Variants in KIAA1549L observed in about 807,000 individuals in gnomAD.
KIAA1549L encodes the protein KIAA1549 like, also known as UPF0606 protein KIAA1549L.
A neutral mutation model predicts 160.7 loss-of-function variants in KIAA1549L; 88 were observed. The observed-to-expected ratio is 0.55, with a 90% CI of 0.46 to 0.65. The LOEUF is 0.65. Ranked by LOEUF, KIAA1549L falls within the 30% of genes least tolerant of loss-of-function variation. The pLI, the probability that KIAA1549L is intolerant of heterozygous loss-of-function variation, is 0.00. For missense variants in KIAA1549L, 2,258 were observed against 2,437.5 expected, an observed-to-expected ratio of 0.93 and a Z score of 1.55; for synonymous variants, 950 against 976.7, an observed-to-expected ratio of 0.97 and a Z score of 0.51.
At chr11:33,398,068 C>T (rs1850423538) in intron 1 of KIAA1549L, among the ~76,000 whole-genome samples, 1 of 150,782 alleles carries the variant, frequency 6.6e-6, no homozygotes. Flanking sequence ...ATTACAGGTG[C>T]CTGCCACCAT....
At position 33,544,934 on chromosome 11, in the gene KIAA1549L, C is replaced by G; in HGVS notation, c.2941C>G (p.Leu981Val). Residue 981 changes from leucine (L) to valine (V), a missense_variant, in exon 3 of 21, where the codon CTT becomes GTT. By Grantham distance (32) the Leu-to-Val change is conservative. This residue lies in a region of KIAA1549L where 1,359 missense variants were observed against 1,546.6 expected (regional missense o/e 0.88). Transcript: ENST00000658780. Reference sequence around the variant, plus strand: ...AGCTAAGAGCAGTTCGATGACTACTCTTGCTAAAAATGTCACAAACAAGGC... The same window carrying G: ...AGCTAAGAGCAGTTCGATGACTACTGTTGCTAAAAATGTCACAAACAAGGC... ...GPAKSSSMTT[L>V]AKNVTNKAAS... 6.2e-7 allele frequency: 1 copy of G among 1,613,606 alleles called. No homozygotes were observed. Among genetic ancestry groups the G allele is most frequent in the Non-Finnish European group, 8.5e-7 (1 of 1,179,710 alleles).
chr11:33,560,591 A>G (rs1193313470), intron 7 of KIAA1549L, among the ~76,000 whole-genome samples: 1 of 152,194 alleles, frequency 6.6e-6, no homozygotes. Flanking sequence ...TGCAACAGGC[A>G]TAGATTTTGA....
intron 1 of KIAA1549L, among the ~76,000 whole-genome samples, chr11:33,495,277 TC>T (rs962080962): frequency 2.3e-5 from 3 of 127,952 alleles, no homozygotes; most frequent in African/African-American, 8.7e-5. Flanking sequence ...CCCTCCCCCA[TC>T]CCCCCACCCC....
chr11:33,633,193 T>G (rs1851349787), intron 16 of KIAA1549L, among the ~76,000 whole-genome samples: 1 of 141,672 alleles, frequency 7.1e-6, no homozygotes, highest in African/African-American at 2.7e-5. Flanking sequence ...GAGACAGGGT[T>G]TCACCATGTT....
At chr11:33,580,065 A>C (rs1257604620) in intron 10 of KIAA1549L, among the ~76,000 whole-genome samples, 5 of 152,300 alleles carry the variant, frequency 3.3e-5, no homozygotes, top group Admixed American at 2.6e-4. Context: ...TGGAGCATGC[A>C]GTGCCCACGT....
chr11:33,393,507 A>G (rs1275793728), intron 1 of KIAA1549L, among the ~76,000 whole-genome samples: 1 of 152,184 alleles, frequency 6.6e-6, no homozygotes, highest in Non-Finnish European at 1.5e-5. Context: ...GTTAAAAACT[A>G]TTTTGGTTAT....
chr11:33,475,416 G>A (rs111656278), intron 1 of KIAA1549L, among the ~76,000 whole-genome samples: 5,518 of 152,208 alleles, frequency 0.036, 172 homozygotes, highest in Admixed American at 0.086. Context: ...TTTTGGCCAG[G>A]CATAGTGGCT....
At chr11:33,532,194 C>T (rs754395102) in intron 1 of KIAA1549L, among the ~76,000 whole-genome samples, 3 of 152,170 alleles carry the variant, frequency 2.0e-5, no homozygotes, top group African/African-American at 7.2e-5. Flanking sequence ...TCTTGATTCT[C>T]TATCTCACAG....
Position 33,547,864 on chromosome 11 carries a change from C to A in KIAA1549L, c.3486C>A (p.Asn1162Lys), listed in dbSNP as rs1208557307. ...CATTGCGGAAGGCTTTCCACCAGAA[C>A]GATGTCTCAGCTCACGTAAGTGCTT... ...TQALRKAFHQNDVSAHVDILE... is the reference protein window; with the variant it reads ...TQALRKAFHQKDVSAHVDILE... Residue 1162 changes from asparagine to lysine, a missense_variant, in exon 4 of 21, where the codon AAC becomes AAA. Asn to Lys is a moderately conservative substitution (Grantham distance 94). This residue lies in a region of KIAA1549L where 1,359 missense variants were observed against 1,546.6 expected (regional missense o/e 0.88). Transcript: ENST00000658780. The A allele has an allele frequency of 1.2e-6, 2 of 1,611,304 alleles. No individual in the cohort carries two copies. The highest frequency in any genetic ancestry group is 1.7e-6 in the Non-Finnish European group (2 of 1,177,910).
intron 1 of KIAA1549L, among the ~76,000 whole-genome samples, chr11:33,455,712 T>G (rs1851808351): frequency 6.6e-6 from 1 of 152,228 alleles, no homozygotes; most frequent in South Asian, 2.1e-4. Flanking sequence ...GAGACATTTT[T>G]TTCCTAAATA....
At chr11:33,495,838 A>G (rs1033484126) in intron 1 of KIAA1549L, among the ~76,000 whole-genome samples, 4 of 151,612 alleles carry the variant, frequency 2.6e-5, no homozygotes, top group African/African-American at 9.7e-5. Context: ...GTGAGATGGT[A>G]TCTCATTGTG....
Position 33,541,955 on chromosome 11 carries a change from A to G in KIAA1549L, c.392A>G (p.Asn131Ser). The G allele has an allele frequency of 2.6e-6, 1 of 387,364 alleles. No homozygotes were observed. The highest frequency in any genetic ancestry group is 7.4e-5 in the East Asian group (1 of 13,484). The allele number at this position is 387,364 out of a possible 1,614,324, so 24.0% of individuals were successfully genotyped here. Residue 131 changes from asparagine (N) to serine (S), a missense_variant, in exon 2 of 21, where the codon AAC becomes AGC. Physicochemically the swap from Asn to Ser is conservative, Grantham distance 46 (BLOSUM62 1). This residue lies in a region of KIAA1549L where 540 missense variants were observed against 465.7 expected (regional missense o/e 1.16). Transcript: ENST00000658780. ...ACCGTGCTGGGACAGTCCTCTGACA[A>G]CACAAGCTTGCCACAGTCAGCCCGA... is the stretch of plus-strand genomic sequence containing the variant. The part of the protein sequence containing the change: ...IKTVLGQSSD[N>S]TSLPQSARTP...
rs1363220168 is a variant in KIAA1549L at position 33,559,890 on chromosome 11, C to T, written c.3997C>T (p.Pro1333Ser). 1.2e-6 allele frequency: 2 copies of T among 1,614,008 alleles called. No individual in the cohort carries two copies. The highest frequency in any genetic ancestry group is 1.7e-6 in the Non-Finnish European group (2 of 1,179,868). The change falls in exon 7 of 21, where the codon CCG becomes TCG. Residue 1333 changes from proline (P) to serine (S), a missense_variant. This residue lies in a region of KIAA1549L where 1,359 missense variants were observed against 1,546.6 expected (regional missense o/e 0.88). Transcript: ENST00000658780. ...AELVGFYLTY[P>S]PLTIAEPLEY... ...GCTGGTGGGATTCTACCTCACCTAT[C>T]CGCCGCTAACCATTGCTGAACGTGA...
At chr11:33,634,173 G>T (rs545569923) in intron 16 of KIAA1549L, among the ~76,000 whole-genome samples, 5 of 152,196 alleles carry the variant, frequency 3.3e-5, no homozygotes, top group Admixed American at 2.0e-4. Flanking sequence ...CTCCTGAGTA[G>T]CTGGGATTAC....
chr11:33,621,546 A>G (rs1042220595), intron 16 of KIAA1549L, among the ~76,000 whole-genome samples: 6 of 152,386 alleles, frequency 3.9e-5, no homozygotes, highest in East Asian at 1.9e-4. Context: ...TAAAGCAGGT[A>G]GAAAAGAAAA....
Position 33,655,543 on chromosome 11 carries a change from G to A in KIAA1549L, c.5761-469G>A, listed in dbSNP as rs752742382. Among the ~76,000 whole-genome samples the A allele has an allele frequency of 5.9e-5, 9 of 152,304 alleles. 1 individual carries two copies. In the South Asian group the frequency reaches 1.9e-3, roughly 32 times the overall value. ...TACCAGGCACTGTTCCAGGTATAAGGATATCTCTGACAACAAAGCCCTTGC... is the reference window on the plus strand; with the variant it reads ...TACCAGGCACTGTTCCAGGTATAAGAATATCTCTGACAACAAAGCCCTTGC... On this transcript the variant is annotated intron_variant, in intron 17 of 20. Coordinates refer to ENST00000658780, the MANE Select transcript of KIAA1549L (RefSeq NM_012194.3).
At chr11:33,584,809 C>T (rs1290768645) in intron 11 of KIAA1549L, among the ~76,000 whole-genome samples, 1 of 152,178 alleles carries the variant, frequency 6.6e-6, no homozygotes, top group Non-Finnish European at 1.5e-5. Context: ...CCATTATACA[C>T]CTACCTGAAC....
intron 1 of KIAA1549L, among the ~76,000 whole-genome samples, chr11:33,389,082 C>T (rs1243426166): frequency 1.3e-5 from 2 of 152,176 alleles, no homozygotes; most frequent in Non-Finnish European, 2.9e-5. Context: ...AATCTCCTGA[C>T]GTCAGACACA....
At chr11:33,465,047 T>TTC (rs35651473) in intron 1 of KIAA1549L, among the ~76,000 whole-genome samples, 1 of 51,638 alleles carries the variant, frequency 1.9e-5, no homozygotes, top group African/African-American at 1.1e-4. Flanking sequence ...GACCTTCTTC[T>TTC]TTTTTTTTTT....
Sources: allele counts gnomAD v4.1 joint callset (sites outside exome capture counted in the v4.1 genomes callset), GRCh38; gene constraint gnomAD v4.1.1; regional missense constraint gnomAD v4.1.1; transcripts MANE v1.5; gene names NCBI Gene and HGNC (gene_info 2026-07-23, HGNC 2026-07-21).